Variants in KL observed in about 807,000 individuals in gnomAD.
KL encodes klotho, also known as alpha-klotho.
In KL, 62 loss-of-function variants were observed where a neutral mutation model predicts 84.2. The observed-to-expected ratio is 0.74, with a 90% confidence interval of 0.60 to 0.91. KL has a LOEUF of 0.91. Among genes scored for constraint, KL ranks in the 40% least tolerant of loss-of-function variants. The probability of loss-of-function intolerance (pLI) is 0.00; values close to 1 mark genes in which losing one functional copy is unlikely to be tolerated. For synonymous variants in KL, 528 were observed against 528.0 expected (o/e 1.00, Z 0.00); for missense variants, 1,261 against 1,305.7 (o/e 0.97, Z 0.53).
In KL at chr13:33,017,007, C is replaced by T. The variant is rs1011433025; in HGVS notation, c.567C>T (p.Val189=). 1.9e-6 allele frequency: 3 copies of T among 1,593,430 alleles called. No individual in the cohort carries two copies. The highest frequency in any genetic ancestry group is 2.7e-5 in the African/African-American group (2 of 74,738). The change falls in exon 1 of 5, where the codon GTC becomes GTT. Residue 189 remains valine (V), a synonymous_variant. Coordinates refer to ENST00000380099, the MANE Select transcript of KL (RefSeq NM_004795.4). ...GGGAGCTGGGCGTGCAGCCCGTGGT[C>T]ACCCTGTACCACTGGGACCTGCCCC... ...RLRELGVQPV[V]TLYHWDLPQR...
chr13:33,048,608 G>A (rs563350362), intron 1 of KL, among the ~76,000 whole-genome samples: 9 of 150,238 alleles, frequency 6.0e-5, no homozygotes, highest in African/African-American at 9.8e-5. Flanking sequence ...TCTCCAGTAC[G>A]TTGACCTGCT....
intron 1 of KL, among the ~76,000 whole-genome samples, chr13:33,038,832 A>G (rs774146753): frequency 5.5e-4 from 84 of 152,352 alleles, no homozygotes; most frequent in Non-Finnish European, 1.0e-3. Context: ...CAGAGCAGAC[A>G]TCATCAACTT....
At chr13:33,020,723 C>T (rs1014653226) in intron 1 of KL, among the ~76,000 whole-genome samples, 7 of 152,208 alleles carry the variant, frequency 4.6e-5, no homozygotes, top group Non-Finnish European at 8.8e-5. Context: ...CCACTTCTCC[C>T]CTTATCTATG....
At chr13:33,024,391 C>T (rs1412127821) in intron 1 of KL, among the ~76,000 whole-genome samples, 2 of 152,198 alleles carry the variant, frequency 1.3e-5, no homozygotes, top group Non-Finnish European at 2.9e-5. Context: ...GTCGACCTAT[C>T]TCCCCAGCGG....
Position 33,061,331 on chromosome 13 carries a change from G to A in KL, c.2252G>A (p.Arg751Lys). Residue 751 changes from arginine to lysine, a missense_variant, in exon 4 of 5, where the codon AGA (arginine) becomes AAA (lysine). By Grantham distance (26) the Arg-to-Lys change is conservative. Transcript: ENST00000380099. ...FSQKDKEVAE[R>K]VLEFDIGWLA... ...CAAAAGGACAAAGAGGTGGCTGAGAGAGTTTTGGAATTTGACATTGGCTGG... is the reference window on the plus strand; with the variant it reads ...CAAAAGGACAAAGAGGTGGCTGAGAAAGTTTTGGAATTTGACATTGGCTGG... The A allele has an allele frequency of 6.2e-7, 1 of 1,614,210 alleles. No individual in the cohort carries two copies. Among genetic ancestry groups the A allele is most frequent in the Non-Finnish European group, 8.5e-7 (1 of 1,180,042 alleles).
At chr13:33,029,837 G>A (rs1219362814) in intron 1 of KL, among the ~76,000 whole-genome samples, 2 of 152,178 alleles carry the variant, frequency 1.3e-5, no homozygotes, top group African/African-American at 2.4e-5. Flanking sequence ...GTTTCACCGT[G>A]TTAGTCGGGA....
chr13:33,043,440 G>T (rs1210046894), intron 1 of KL, among the ~76,000 whole-genome samples: 2 of 152,074 alleles, frequency 1.3e-5, no homozygotes, highest in Non-Finnish European at 2.9e-5. Flanking sequence ...AGTTGGTCTC[G>T]AACTCCTGGC....
At chr13:33,042,424 C>T (rs1871370429) in intron 1 of KL, among the ~76,000 whole-genome samples, 1 of 152,094 alleles carries the variant, frequency 6.6e-6, no homozygotes, top group African/African-American at 2.4e-5. Flanking sequence ...GTTGTGATTC[C>T]CATCACCACA....
chr13:33,016,565 G>T lies in KL; in HGVS notation c.125G>T (p.Trp42Leu). The T allele has an allele frequency of 6.8e-7, 1 of 1,475,426 alleles. No individual in the cohort carries two copies. The highest frequency in any genetic ancestry group is 1.4e-5 in the African/African-American group (1 of 69,000). 91.4% of individuals were successfully genotyped at this position (1,475,426 alleles called of 1,614,324 possible). Reference protein sequence around the residue: ...RAEPGDGAQTWARFSRPPAPE... With the variant: ...RAEPGDGAQTLARFSRPPAPE... Reference sequence around the variant, plus strand: ...GAGCCGGGCGACGGCGCGCAGACCTGGGCCCGTTTCTCGCGGCCTCCTGCC... The same window carrying T: ...GAGCCGGGCGACGGCGCGCAGACCTTGGCCCGTTTCTCGCGGCCTCCTGCC... The change falls in exon 1 of 5, where the codon TGG becomes TTG. Residue 42 changes from tryptophan to leucine, a missense_variant. Physicochemically the swap from Trp to Leu is moderately conservative, Grantham distance 61. Coordinates refer to ENST00000380099, the MANE Select transcript of KL (RefSeq NM_004795.4).
chr13:33,035,005 G>T (rs1871106132), intron 1 of KL, among the ~76,000 whole-genome samples: 1 of 152,158 alleles, frequency 6.6e-6, no homozygotes, highest in Non-Finnish European at 1.5e-5. Context: ...CTACTCATAG[G>T]TTGATTTCAC....
intron 3 of KL, among the ~76,000 whole-genome samples, chr13:33,058,839 C>T (rs556578040): frequency 6.6e-6 from 1 of 152,202 alleles, no homozygotes; most frequent in Non-Finnish European, 1.5e-5. Flanking sequence ...TTCAAAAGAG[C>T]GTGCAAATAT....
At chr13:33,049,609 T>A (rs572953636) in intron 1 of KL, among the ~76,000 whole-genome samples, 15 of 152,228 alleles carry the variant, frequency 9.9e-5, no homozygotes, top group African/African-American at 3.6e-4. Context: ...AGGCAAAACA[T>A]ACCTTAGAGA....
At position 33,061,788 on chromosome 13, in the gene KL, G is replaced by A. The variant is rs1450780379; in HGVS notation, c.2701+8G>A. 1 of 1,612,296 alleles carries A rather than the reference G, an allele frequency of 6.2e-7. No individual in the cohort carries two copies. Among genetic ancestry groups the A allele is most frequent in the Admixed American group, 1.7e-5 (1 of 60,026 alleles). ...TAAACGAAGCTCTCAAAGGTAAGGA[G>A]CCCTAGCTGCGGCTATCTCCTGAAG... is the stretch of plus-strand genomic sequence containing the variant. On this transcript the variant is annotated splice_region_variant and intron_variant, in intron 4 of 4. Coordinates refer to ENST00000380099, the MANE Select transcript of KL (RefSeq NM_004795.4).
At chr13:33,021,708 C>T (rs211237) in intron 1 of KL, among the ~76,000 whole-genome samples, 48,017 of 151,820 alleles carry the variant, frequency 0.32, 8,778 homozygotes, top group Admixed American at 0.44. Flanking sequence ...CATGGTGAAA[C>T]CCCGTCTCTA....
At chr13:33,041,401 T>C (rs73176836) in intron 1 of KL, among the ~76,000 whole-genome samples, 24,811 of 141,786 alleles carry the variant, frequency 0.17, 2,326 homozygotes, top group African/African-American at 0.24. Flanking sequence ...CATTACTTTT[T>C]AAATGGCAAA....
At position 33,061,288 on chromosome 13, in the gene KL, C is replaced by A. The variant is rs1872185535; in HGVS notation, c.2209C>A (p.Pro737Thr). ...AGCCTTGCAGGCTGATTGGATAGAACCTGCCTGCCCTTTCTCCCAAAAGGA... is the reference window on the plus strand; with the variant it reads ...AGCCTTGCAGGCTGATTGGATAGAAACTGCCTGCCCTTTCTCCCAAAAGGA... ...SIALQADWIE[P>T]ACPFSQKDKE... Residue 737 changes from proline to threonine, a missense_variant, in exon 4 of 5, where the codon CCT (proline) becomes ACT (threonine). Coordinates refer to ENST00000380099, the MANE Select transcript of KL (RefSeq NM_004795.4). 3 of 1,614,148 alleles carry A rather than the reference C, an allele frequency of 1.9e-6. No individual in the cohort carries two copies. Among genetic ancestry groups the A allele is most frequent in the Admixed American group, 1.7e-5 (1 of 60,014 alleles).
chr13:33,027,527 T>C (rs1156842742), intron 1 of KL, among the ~76,000 whole-genome samples: 1 of 152,254 alleles, frequency 6.6e-6, no homozygotes, highest in African/African-American at 2.4e-5. Flanking sequence ...GAGAAGGCTG[T>C]GGCTCTTATA....
At chr13:33,049,849 G>A (rs1871678759) in intron 1 of KL, among the ~76,000 whole-genome samples, 1 of 152,090 alleles carries the variant, frequency 6.6e-6, no homozygotes, top group Admixed American at 6.5e-5. Flanking sequence ...AGCAATACAT[G>A]TTTATGGTAG....
At chr13:33,029,038 A>G (rs1167280375) in intron 1 of KL, among the ~76,000 whole-genome samples, 1 of 152,208 alleles carries the variant, frequency 6.6e-6, no homozygotes, top group Admixed American at 6.5e-5. Context: ...TAGGACAGGG[A>G]ACTGTGATTT....
Sources: gnomAD v4.1 joint callset for allele counts (sites outside exome capture counted in the v4.1 genomes callset) on GRCh38, gnomAD v4.1.1 for gene constraint, MANE v1.5 for transcripts, NCBI Gene and HGNC (gene_info 2026-07-23, HGNC 2026-07-21) for gene names.